Variants in CAB39L observed in about 807,000 individuals in gnomAD.
The protein encoded by CAB39L is calcium binding protein 39 like.
CAB39L carries 23 observed loss-of-function variants against 39.1 expected under a neutral mutation model. The observed-to-expected ratio is 0.59, with a 90% confidence interval of 0.42 to 0.83. CAB39L has a LOEUF of 0.83. Among genes scored for constraint, CAB39L ranks in the 40% least tolerant of loss-of-function variants. The probability of loss-of-function intolerance (pLI) is 0.00; values close to 1 mark genes in which losing one functional copy is unlikely to be tolerated. For missense variants in CAB39L, 366 were observed against 391.9 expected, an observed-to-expected ratio of 0.93 and a Z score of 0.56; for synonymous variants, 126 against 137.2, an observed-to-expected ratio of 0.92 and a Z score of 0.57.
chr13:49,407,130 A>C (rs1348288898), intron 3 of CAB39L, among the ~76,000 whole-genome samples: 3 of 83,178 alleles, frequency 3.6e-5, no homozygotes, highest in Non-Finnish European at 5.5e-5. Context: ...TAAGAAAATC[A>C]CAGGAAGAAA....
chr13:49,345,575 G>C (rs929650848), intron 7 of CAB39L, among the ~76,000 whole-genome samples: 3 of 152,150 alleles, frequency 2.0e-5, no homozygotes, highest in Non-Finnish European at 4.4e-5. Flanking sequence ...CCTTGAAAGA[G>C]TAAGGTAGTT....
intron 3 of CAB39L, among the ~76,000 whole-genome samples, chr13:49,402,730 G>T (rs985093965): frequency 2.6e-5 from 4 of 151,906 alleles, no homozygotes; most frequent in Non-Finnish European, 4.4e-5. Flanking sequence ...TTAAAATATA[G>T]GTGTTTTGAT....
intron 5 of CAB39L, among the ~76,000 whole-genome samples, chr13:49,362,700 G>A (rs766947311): frequency 2.0e-5 from 3 of 151,832 alleles, no homozygotes; most frequent in East Asian, 1.9e-4. Flanking sequence ...GATAATATCC[G>A]AGAACTTCCC....
intron 3 of CAB39L, chr13:49,413,751 CA>C (rs1432755090): frequency 3.3e-5 from 5 of 152,170 alleles, no homozygotes; most frequent in African/African-American, 1.2e-4. Flanking sequence ...ACAAGAAATC[CA>C]GATACACCAA....
intron 9 of CAB39L, among the ~76,000 whole-genome samples, chr13:49,334,149 C>T (rs771126548): frequency 4.6e-5 from 7 of 152,090 alleles, no homozygotes; most frequent in Non-Finnish European, 8.8e-5. Flanking sequence ...TCATTCAAAC[C>T]CTCACTACCT....
At chr13:49,370,418 C>T (rs1042765748) in intron 5 of CAB39L, among the ~76,000 whole-genome samples, 3 of 152,176 alleles carry the variant, frequency 2.0e-5, no homozygotes, top group Non-Finnish European at 4.4e-5. Flanking sequence ...AATACGACCA[C>T]TGATGGAAAA....
At chr13:49,333,611 G>A (rs140128471) in intron 9 of CAB39L, among the ~76,000 whole-genome samples, 4,636 of 124,646 alleles carry the variant, frequency 0.037, 253 homozygotes, top group African/African-American at 0.13. Flanking sequence ...TCACTCTGTC[G>A]CCCAGGCTGG....
At chr13:49,404,640 A>G (rs553663790) in intron 3 of CAB39L, among the ~76,000 whole-genome samples, 1 of 152,290 alleles carries the variant, frequency 6.6e-6, no homozygotes, top group Admixed American at 6.5e-5. Context: ...CCTTTAAGAG[A>G]ATTCAAAATA....
At chr13:49,421,184 A>G (rs1448802390) in intron 3 of CAB39L, among the ~76,000 whole-genome samples, 2 of 152,152 alleles carry the variant, frequency 1.3e-5, no homozygotes, top group African/African-American at 2.4e-5. Context: ...GTGCAAAGAA[A>G]CTGCCTCCCC....
At chr13:49,366,334 C>A (rs1173337776) in intron 5 of CAB39L, among the ~76,000 whole-genome samples, 2 of 151,868 alleles carry the variant, frequency 1.3e-5, no homozygotes, top group Middle Eastern at 3.4e-3. Flanking sequence ...ATCTCATATA[C>A]ACTACCTACT....
At chr13:49,351,262 T>TTG (rs3035410) in intron 6 of CAB39L, 39,842 of 149,128 alleles carry the variant, frequency 0.27, 5,485 homozygotes, top group Middle Eastern at 0.36. Flanking sequence ...GGTGACTAAA[T>TTG]TGTGTGTGTG....
At chr13:49,338,555 G>A (rs1289511617) in intron 9 of CAB39L, among the ~76,000 whole-genome samples, 2 of 151,502 alleles carry the variant, frequency 1.3e-5, no homozygotes, top group African/African-American at 4.9e-5. Flanking sequence ...AATGCTAGAT[G>A]ACGAGTTAGT....
intron 10 of CAB39L, among the ~76,000 whole-genome samples, chr13:49,325,850 A>G (rs1954482558): frequency 6.6e-6 from 1 of 152,236 alleles, no homozygotes; most frequent in Non-Finnish European, 1.5e-5. Context: ...TGAGTAATTC[A>G]CGGTTAGTCC....
rs187851760 is a variant in CAB39L at position 49,337,293 on chromosome 13, G to C, written c.690+2384C>G. On this transcript the variant is annotated intron_variant, in intron 9 of 10. Transcript: ENST00000409308. ...AAAATAGGAAAAAATGACAATACAAGTGTGATGTTTAGCAAGCTGGACCAT... is the reference window on the plus strand; with the variant it reads ...AAAATAGGAAAAAATGACAATACAACTGTGATGTTTAGCAAGCTGGACCAT... Among the ~76,000 whole-genome samples, 7 of 152,304 alleles carry C rather than the reference G, an allele frequency of 4.6e-5. No homozygotes were observed. The East Asian group carries it at 1.3e-3, about 29-fold the overall frequency.
intron 3 of CAB39L, among the ~76,000 whole-genome samples, chr13:49,410,606 G>A (rs1956972025): frequency 6.6e-6 from 1 of 152,118 alleles, no homozygotes; most frequent in Non-Finnish European, 1.5e-5. Context: ...CTGAGTGAAG[G>A]GACAGAAAAC....
intron 3 of CAB39L, among the ~76,000 whole-genome samples, chr13:49,413,473 T>C (rs1456547262): frequency 1.3e-5 from 2 of 152,074 alleles, no homozygotes; most frequent in Non-Finnish European, 2.9e-5. Flanking sequence ...TATCCCAGCA[T>C]AGGAAAATTT....
chr13:49,441,292 C>T (rs7982598), intron 1 of CAB39L, among the ~76,000 whole-genome samples: 1 of 149,044 alleles, frequency 6.7e-6, no homozygotes, highest in Non-Finnish European at 1.5e-5. Context: ...AGGAGGTTCC[C>T]GGCTAGGTAC....
chr13:49,324,415 C>T (rs1215152351), intron 10 of CAB39L, among the ~76,000 whole-genome samples: 1 of 152,132 alleles, frequency 6.6e-6, no homozygotes, highest in African/African-American at 2.4e-5. Context: ...TAAATAGCCA[C>T]TATGTGCCAA....
intron 9 of CAB39L, among the ~76,000 whole-genome samples, chr13:49,335,458 A>C (rs1012457469): frequency 1.9e-4 from 29 of 152,234 alleles, no homozygotes; most frequent in African/African-American, 7.0e-4. Flanking sequence ...ATTAAATGTT[A>C]ATCTATTTTA....
Sources: gnomAD v4.1 joint callset for allele counts (sites outside exome capture counted in the v4.1 genomes callset) on GRCh38, gnomAD v4.1.1 for gene constraint, MANE v1.5 for transcripts, NCBI Gene and HGNC (gene_info 2026-07-23, HGNC 2026-07-21) for gene names.